The following FSHR variants were observed in gnomAD, a reference collection of about 807,000 sequenced individuals.
The protein encoded by FSHR is follicle-stimulating hormone receptor.
Under a neutral mutation model 52.1 loss-of-function variants are expected in FSHR, and 46 were observed. That is an observed-to-expected ratio of 0.88 (90% CI 0.70 to 1.13). The LOEUF is 1.13. Among genes scored for constraint, FSHR ranks in the 50% most tolerant of loss-of-function variants. FSHR has a pLI of 0.00. For missense variants in FSHR, 964 were observed against 834.6 expected (o/e 1.16, Z -1.91); for synonymous variants, 399 against 309.6 (o/e 1.29, Z -3.03).
Position 48,983,159 on chromosome 2 carries a change from T to G in FSHR, c.532A>C (p.Asn178His), listed in dbSNP as rs751015336. The G allele has an allele frequency of 1.9e-6, 3 of 1,614,032 alleles. No homozygotes were observed. The highest frequency in any genetic ancestry group is 2.5e-6 in the Non-Finnish European group (3 of 1,179,936). ...TGTATTTCTTGAATCCCATTCTTAT[T>G]CAGCCATCTGAAATAAAAGGCCTAT... ...LSFESVILWL[N>H]KNGIQEIHNC... Residue 178 changes from asparagine (N) to histidine (H), a missense_variant, in exon 7 of 10, where the codon AAT (asparagine) becomes CAT (histidine). By Grantham distance (68) the Asn-to-His change is moderately conservative. Transcript: ENST00000406846.
At chr2:49,079,579 G>A (rs1341601975) in intron 1 of FSHR, among the ~76,000 whole-genome samples, 3 of 151,916 alleles carry the variant, frequency 2.0e-5, no homozygotes, top group African/African-American at 4.8e-5. Flanking sequence ...TAAAGAGCAC[G>A]GAAATAAACC....
intron 4 of FSHR, among the ~76,000 whole-genome samples, chr2:49,015,525 G>A (rs137923165): frequency 1.1e-3 from 164 of 152,230 alleles, no homozygotes; most frequent in Non-Finnish European, 1.3e-3. Flanking sequence ...TCAGAAGTCC[G>A]GTGATTGGCC....
chr2:48,966,528 T>G (rs1234739076), intron 9 of FSHR, among the ~76,000 whole-genome samples: 2 of 152,156 alleles, frequency 1.3e-5, no homozygotes, highest in African/African-American at 4.8e-5. Flanking sequence ...TGGCCAAAGT[T>G]TTAGTCACAG....
chr2:49,083,287 G>A (rs2103662739), intron 1 of FSHR, among the ~76,000 whole-genome samples: 1 of 147,702 alleles, frequency 6.8e-6, no homozygotes, highest in Middle Eastern at 3.6e-3. Context: ...TTACAGACAA[G>A]CAAATGCTGA....
At chr2:49,007,207 C>G (rs558855710) in intron 4 of FSHR, among the ~76,000 whole-genome samples, 1 of 150,986 alleles carries the variant, frequency 6.6e-6, no homozygotes, top group East Asian at 1.9e-4. Flanking sequence ...GTAAACATAG[C>G]TAAGCACGAA....
chr2:49,087,690 G>A (rs1670451196), intron 1 of FSHR, among the ~76,000 whole-genome samples: 2 of 152,170 alleles, frequency 1.3e-5, no homozygotes, highest in African/African-American at 4.8e-5. Flanking sequence ...ATGCATAGTT[G>A]GGTGGTAGAT....
intron 1 of FSHR, among the ~76,000 whole-genome samples, chr2:49,134,929 G>T (rs1273675764): frequency 6.6e-6 from 1 of 152,150 alleles, no homozygotes; most frequent in Admixed American, 6.5e-5. Context: ...GTGGGAGGAT[G>T]GGGGAGGGAT....
chr2:48,984,421 C>T (rs1285361208), intron 6 of FSHR, among the ~76,000 whole-genome samples: 3 of 152,172 alleles, frequency 2.0e-5, no homozygotes, highest in Middle Eastern at 3.4e-3. Context: ...GGATTTGAAT[C>T]AAATACAGGA....
intron 4 of FSHR, among the ~76,000 whole-genome samples, chr2:49,016,113 A>G (rs914702169): frequency 2.0e-5 from 3 of 152,202 alleles, no homozygotes; most frequent in African/African-American, 7.2e-5. Context: ...GTTTCTTATT[A>G]TACCTGTTAA....
chr2:49,064,001 AAAT>A (rs910566547), intron 2 of FSHR, among the ~76,000 whole-genome samples: 2 of 152,092 alleles, frequency 1.3e-5, no homozygotes, highest in African/African-American at 2.4e-5. Flanking sequence ...GTCAATTAAA[AAAT>A]AATAAAAAAG....
intron 2 of FSHR, among the ~76,000 whole-genome samples, chr2:49,024,083 G>C (rs1667834506): frequency 6.6e-6 from 1 of 152,108 alleles, no homozygotes; most frequent in East Asian, 1.9e-4. Flanking sequence ...CATTTGACAA[G>C]TGCCGAACTG....
intron 2 of FSHR, among the ~76,000 whole-genome samples, chr2:49,047,654 A>G (rs973670284): frequency 1.3e-5 from 2 of 152,226 alleles, no homozygotes; most frequent in East Asian, 1.9e-4. Context: ...GATTTTTACA[A>G]AAGGCATATT....
chr2:48,982,249 G>C (rs1675283754), intron 8 of FSHR, among the ~76,000 whole-genome samples: 1 of 152,156 alleles, frequency 6.6e-6, no homozygotes, highest in Non-Finnish European at 1.5e-5. Flanking sequence ...AAGGGGCAGT[G>C]TAGGTAAGAA....
intron 1 of FSHR, among the ~76,000 whole-genome samples, chr2:49,096,827 T>C (rs1008600183): frequency 6.6e-6 from 1 of 152,174 alleles, no homozygotes; most frequent in Admixed American, 6.6e-5. Context: ...GCTGTCCTTG[T>C]GATAGTGAGT....
intron 1 of FSHR, among the ~76,000 whole-genome samples, chr2:49,073,657 A>G (rs1669837518): frequency 6.6e-6 from 1 of 152,122 alleles, no homozygotes; most frequent in African/African-American, 2.4e-5. Context: ...TCCCTATCAA[A>G]ATGGCAATGA....
chr2:49,119,675 A>G (rs116220669), intron 1 of FSHR, among the ~76,000 whole-genome samples: 2,001 of 152,296 alleles, frequency 0.013, 35 homozygotes, highest in African/African-American at 0.046. Context: ...CAGGTAACAT[A>G]TATCACCCTT....
intron 4 of FSHR, among the ~76,000 whole-genome samples, chr2:48,991,281 A>C (rs190265306): frequency 6.6e-6 from 1 of 152,216 alleles, no homozygotes. Context: ...AGCTGTGGGT[A>C]ATATAGCTGA....
intron 2 of FSHR, among the ~76,000 whole-genome samples, chr2:49,024,434 C>T (rs1195647259): frequency 5.3e-5 from 8 of 151,904 alleles, no homozygotes; most frequent in Non-Finnish European, 8.8e-5. Flanking sequence ...ATTAGTCATG[C>T]GTGGTGGTGC....
At chr2:49,017,242 G>A (rs895968157) in intron 4 of FSHR, among the ~76,000 whole-genome samples, 6 of 152,240 alleles carry the variant, frequency 3.9e-5, no homozygotes, top group East Asian at 1.9e-4. Context: ...CCATGTGACC[G>A]TCCCATTAAT....
Sources: allele counts gnomAD v4.1 joint callset (sites outside exome capture counted in the v4.1 genomes callset), GRCh38; gene constraint gnomAD v4.1.1; transcripts MANE v1.5; gene names NCBI Gene and HGNC (gene_info 2026-07-23, HGNC 2026-07-21).